The following NEMP2 variants were observed in gnomAD, a reference collection of about 807,000 sequenced individuals.
The protein encoded by NEMP2 is UPF0571 transmembrane protein.
A neutral mutation model predicts 54.2 loss-of-function variants in NEMP2; 53 were observed. That is an observed-to-expected ratio of 0.98 (90% CI 0.78 to 1.23). The LOEUF is 1.23. Among genes scored for constraint, NEMP2 ranks in the 50% most tolerant of loss-of-function variants. NEMP2 has a pLI of 0.00. For missense variants in NEMP2, 455 were observed against 511.3 expected (o/e 0.89, Z 1.06); for synonymous variants, 197 against 190.3 (o/e 1.04, Z -0.29).
At chr2:190,476,576 A>T in the NEMP2 span, among the ~76,000 whole-genome samples, 2 of 152,206 alleles carry the variant, frequency 1.3e-5, no homozygotes, top group Non-Finnish European at 2.9e-5. Context: ...GAGGATGTGG[A>T]GAAATAGGAA....
At chr2:190,560,200 A>G in the NEMP2 span, among the ~76,000 whole-genome samples, 1 of 152,212 alleles carries the variant, frequency 6.6e-6, no homozygotes, top group East Asian at 1.9e-4. The surrounding 1 kb of genome is among the most constrained non-coding windows in gnomAD (Gnocchi z 5.4). Context: ...TTAAGGTAGG[A>G]GCCCGTGGGT....
At chr2:190,595,395 T>C in the NEMP2 span, among the ~76,000 whole-genome samples, 1 of 152,212 alleles carries the variant, frequency 6.6e-6, no homozygotes, top group Middle Eastern at 3.4e-3. This position sits in a 1 kb window ranked among gnomAD's most constrained non-coding sequence, Gnocchi z 4.0. Flanking sequence ...AAAGCCCAAA[T>C]TGACAAATGG....
At chr2:190,493,144 A>G in the NEMP2 span, among the ~76,000 whole-genome samples, 1 of 152,032 alleles carries the variant, frequency 6.6e-6, no homozygotes. Context: ...GACTCGCCTA[A>G]CACATAGGAA....
the NEMP2 span, chr2:190,609,789 C>T: frequency 1.3e-5 from 2 of 152,192 alleles, no homozygotes; most frequent in Non-Finnish European, 2.9e-5. The surrounding 1 kb of genome is among the most constrained non-coding windows in gnomAD (Gnocchi z 4.7). Flanking sequence ...CTGGCTACTT[C>T]CTGCTGAGAG....
chr2:190,435,858 A>T, the NEMP2 span: 1 of 895,006 alleles, frequency 1.1e-6, no homozygotes, highest in Non-Finnish European at 1.6e-6. Context: ...AAATGATGAG[A>T]ATTCTCTCTT....
At chr2:190,648,480 G>A in the NEMP2 span, 1 of 150,766 alleles carries the variant, frequency 6.6e-6, no homozygotes, top group Non-Finnish European at 1.5e-5. Flanking sequence ...CCTCTGCCCC[G>A]AGCCTGCGGG....
chr2:190,556,883 G>A, the NEMP2 span, among the ~76,000 whole-genome samples: 1 of 152,190 alleles, frequency 6.6e-6, no homozygotes, highest in African/African-American at 2.4e-5. Flanking sequence ...TCAATATCAT[G>A]AAAATGGCCA....
At chr2:190,436,140 G>C in the NEMP2 span, 2 of 1,614,048 alleles carry the variant, frequency 1.2e-6, no homozygotes, top group Admixed American at 3.3e-5. The surrounding 1 kb of genome is among the most constrained non-coding windows in gnomAD (Gnocchi z 5.3). Context: ...AACCACCTTC[G>C]AATGAAACAC....
the NEMP2 span, among the ~76,000 whole-genome samples, chr2:190,594,855 T>C: frequency 1.3e-5 from 2 of 152,234 alleles, no homozygotes; most frequent in Non-Finnish European, 2.9e-5. The surrounding 1 kb of genome is among the most constrained non-coding windows in gnomAD (Gnocchi z 5.6). Flanking sequence ...TTTCTGAATA[T>C]TAAAGTAAAT....
chr2:190,437,225 A>G, the NEMP2 span: 1 of 1,614,226 alleles, frequency 6.2e-7, no homozygotes, highest in South Asian at 1.1e-5. The surrounding 1 kb of genome is among the most constrained non-coding windows in gnomAD (Gnocchi z 5.9). Flanking sequence ...TTCAAAAACG[A>G]TGATTCTAAA....
At chr2:190,642,395 C>T in the NEMP2 span, among the ~76,000 whole-genome samples, 1 of 152,048 alleles carries the variant, frequency 6.6e-6, no homozygotes, top group Admixed American at 6.6e-5. This position sits in a 1 kb window ranked among gnomAD's most constrained non-coding sequence, Gnocchi z 4.1. Flanking sequence ...ATCCTTTATA[C>T]CTTAAAATTC....
the NEMP2 span, among the ~76,000 whole-genome samples, chr2:190,616,646 A>G: frequency 1.3e-5 from 2 of 152,210 alleles, no homozygotes; most frequent in Non-Finnish European, 2.9e-5. The surrounding 1 kb of genome is among the most constrained non-coding windows in gnomAD (Gnocchi z 5.1). Context: ...GAAGGAAACT[A>G]TACCTTTGGA....
At chr2:190,449,051 T>C in the NEMP2 span, among the ~76,000 whole-genome samples, 10 of 152,366 alleles carry the variant, frequency 6.6e-5, no homozygotes, top group East Asian at 9.6e-4. Flanking sequence ...GTCCCTAATA[T>C]GCATATTGTC....
rs1355558984 is a variant in NEMP2 at position 190,510,825 on chromosome 2, A to G, written c.954-288T>C. On this transcript the variant is annotated intron_variant, in intron 7 of 8. Coordinates refer to ENST00000409150, the MANE Select transcript of NEMP2 (RefSeq NM_001142645.2). The surrounding 1 kb of genome is among the most constrained non-coding windows in gnomAD (Gnocchi z 5.7). The stretch of plus-strand genomic sequence containing the variant: ...GAACCTGGGAGGCAGAGGTTGCAGT[A>G]AGCCGAGATCGCGCCACTGCACTCC... Among the ~76,000 whole-genome samples, 2 of 151,710 alleles carry G rather than the reference A, an allele frequency of 1.3e-5. No individual in the cohort carries two copies. The highest frequency in any genetic ancestry group is 2.1e-4 in the South Asian group (1 of 4,764).
At chr2:190,608,579 C>G in the NEMP2 span, 1 of 152,132 alleles carries the variant, frequency 6.6e-6, no homozygotes. This position sits in a 1 kb window ranked among gnomAD's most constrained non-coding sequence, Gnocchi z 4.9. Flanking sequence ...AAGCATTGAG[C>G]CTGTATGAAG....
the NEMP2 span, among the ~76,000 whole-genome samples, chr2:190,623,317 C>A: frequency 6.6e-6 from 1 of 151,652 alleles, no homozygotes; most frequent in African/African-American, 2.4e-5. Context: ...GAAAAAAAAA[C>A]CCTAAAATTC....
the NEMP2 span, among the ~76,000 whole-genome samples, chr2:190,468,409 T>C: frequency 2.0e-5 from 3 of 152,120 alleles, no homozygotes; most frequent in Non-Finnish European, 2.9e-5. Flanking sequence ...TTTCCCTTTG[T>C]TGATTCAGTG....
the NEMP2 span, chr2:190,477,304 C>G: frequency 1.0e-6 from 1 of 984,716 alleles, no homozygotes; most frequent in South Asian, 4.7e-5. Flanking sequence ...CCTCTGGTTC[C>G]TGTTCTATCC....
chr2:190,630,472 T>A, the NEMP2 span, among the ~76,000 whole-genome samples: 2 of 152,086 alleles, frequency 1.3e-5, no homozygotes. The surrounding 1 kb of genome is among the most constrained non-coding windows in gnomAD (Gnocchi z 5.5). Context: ...CACCTCAGCC[T>A]CCCAAAGTGC....
Sources: allele counts gnomAD v4.1 joint callset (sites outside exome capture counted in the v4.1 genomes callset), GRCh38; gene constraint gnomAD v4.1.1; non-coding constraint Gnocchi (gnomAD v3.1); transcripts MANE v1.5; gene names NCBI Gene and HGNC (gene_info 2026-07-23, HGNC 2026-07-21).